MCTP2: variants seen among roughly 807,000 people sequenced by gnomAD.
The protein encoded by MCTP2 is multiple C2 and transmembrane domain-containing protein 2.
Under a neutral mutation model 111.6 loss-of-function variants are expected in MCTP2, and 132 were observed. That is an observed-to-expected ratio of 1.18 (90% CI 1.03 to 1.37). MCTP2 has a LOEUF of 1.37. Ranked by LOEUF, MCTP2 falls within the 40% of genes most tolerant of loss-of-function variation. The pLI is 0.00. For synonymous variants in MCTP2, 395 were observed against 387.7 expected, an observed-to-expected ratio of 1.02 and a Z score of -0.22; for missense variants, 1,183 against 1,067.9, an observed-to-expected ratio of 1.11 and a Z score of -1.50.
intron 1 of MCTP2, among the ~76,000 whole-genome samples, chr15:94,276,141 G>A (rs1451627991): frequency 1.3e-5 from 2 of 152,052 alleles, no homozygotes; most frequent in African/African-American, 2.4e-5. Context: ...ACCGTGCCTG[G>A]CCTTTATAAG....
At chr15:94,472,637 CT>C (rs2074023265) in intron 21 of MCTP2, among the ~76,000 whole-genome samples, 1 of 152,172 alleles carries the variant, frequency 6.6e-6, no homozygotes, top group Non-Finnish European at 1.5e-5. Context: ...ACCCTCTGAG[CT>C]TTGTACTTTA....
intron 18 of MCTP2, among the ~76,000 whole-genome samples, chr15:94,441,686 TTA>T (rs2083789787): frequency 6.6e-6 from 1 of 152,244 alleles, no homozygotes; most frequent in Non-Finnish European, 1.5e-5. Flanking sequence ...TATTTTCATT[TTA>T]TGTCTTATGA....
At position 94,235,379 on chromosome 15, in the gene MCTP2, G is replaced by T. The variant is rs115470796; in HGVS notation, c.-66+3715G>T. 4.8e-3 allele frequency among the ~76,000 whole-genome samples: 736 copies of T among 152,118 alleles called. 6 individuals carry two copies. Among genetic ancestry groups the T allele is most frequent in the African/African-American group, 0.017 (703 of 41,452 alleles). On this transcript the variant is annotated intron_variant, in intron 1 of 22. Coordinates refer to ENST00000357742, the MANE Select transcript of MCTP2 (RefSeq NM_001385001.1). ...AGAAATGCACGTTCTCAGGCACCCC[G>T]CATTAGGAGCTCTGCGTCTAGAGCA... is the stretch of plus-strand genomic sequence containing the variant.
At chr15:94,307,428 C>T (rs2075936406) in intron 2 of MCTP2, among the ~76,000 whole-genome samples, 13 of 152,036 alleles carry the variant, frequency 8.6e-5, no homozygotes, top group Admixed American at 8.5e-4. Context: ...CATAAAGGCC[C>T]CAGGGTAGCA....
chr15:94,305,779 A>G (rs1209511942), intron 2 of MCTP2, among the ~76,000 whole-genome samples: 2 of 150,890 alleles, frequency 1.3e-5, no homozygotes, highest in Non-Finnish European at 3.0e-5. Context: ...CTACGTGGGT[A>G]GGGCCCTAAA....
intron 1 of MCTP2, among the ~76,000 whole-genome samples, chr15:94,259,512 G>A (rs1032234920): frequency 2.0e-5 from 3 of 152,072 alleles, no homozygotes; most frequent in African/African-American, 7.2e-5. Flanking sequence ...ACTCTGACTT[G>A]GACTCTTGTG....
intron 20 of MCTP2, among the ~76,000 whole-genome samples, chr15:94,464,978 C>CA (rs2073142294): frequency 1.3e-5 from 2 of 152,048 alleles, no homozygotes; most frequent in Admixed American, 6.5e-5. Context: ...TCATTATATT[C>CA]AAGCCTTTTA....
intron 20 of MCTP2, among the ~76,000 whole-genome samples, chr15:94,464,239 A>AT (rs1491418827): frequency 1.1e-5 from 1 of 89,340 alleles, no homozygotes; most frequent in East Asian, 2.6e-4. Flanking sequence ...TTATATATAT[A>AT]ATATATATAT....
chr15:94,410,877 C>T (rs2082122054), intron 17 of MCTP2, among the ~76,000 whole-genome samples: 1 of 152,182 alleles, frequency 6.6e-6, no homozygotes, highest in Non-Finnish European at 1.5e-5. Flanking sequence ...TAGCTAAAAT[C>T]CAAAAACAAC....
In MCTP2 at chr15:94,458,217, A is replaced by G; in HGVS notation, c.2331A>G (p.Glu777=). ...CAACTGTTCAAAACGTCTTGGAGGAAATAGCTTCTTTTGGAGAAAGGATTA... is the reference window on the plus strand; with the variant it reads ...CAACTGTTCAAAACGTCTTGGAGGAGATAGCTTCTTTTGGAGAAAGGATTA... ...IVSTVQNVLE[E]IASFGERIKN... is the part of the protein sequence containing the mutation. Residue 777 remains glutamate, a synonymous_variant, in exon 20 of 23, where the codon GAA becomes GAG. Coordinates refer to ENST00000357742, the MANE Select transcript of MCTP2 (RefSeq NM_001385001.1). The G allele has an allele frequency of 6.2e-7, 1 of 1,609,978 alleles. No individual in the cohort carries two copies. Among genetic ancestry groups the G allele is most frequent in the South Asian group, 1.1e-5 (1 of 90,984 alleles).
At chr15:94,356,425 AAAG>A in intron 9 of MCTP2, 124 bp downstream of exon 9, 1 of 826,652 alleles carries the variant, frequency 1.2e-6, no homozygotes, top group East Asian at 3.1e-5. Flanking sequence ...TAACTATATT[AAAG>A]AGCAGAAAAC....
intron 20 of MCTP2, among the ~76,000 whole-genome samples, chr15:94,458,743 T>C (rs2084999392): frequency 6.6e-6 from 1 of 152,218 alleles, no homozygotes; most frequent in Non-Finnish European, 1.5e-5. Context: ...TAGGACAGGA[T>C]ACTACTCTGT....
intron 1 of MCTP2, among the ~76,000 whole-genome samples, chr15:94,280,073 A>G (rs186106627): frequency 5.7e-4 from 86 of 152,176 alleles, no homozygotes; most frequent in Admixed American, 1.3e-3. Flanking sequence ...TGTCTGTGCC[A>G]GGTATTGATA....
rs2074636276 is a variant in MCTP2, at chr15:94,479,850, A to C, written c.*816A>C. 1 of 152,184 alleles carries C rather than the reference A, an allele frequency of 6.6e-6. No individual in the cohort carries two copies. Among genetic ancestry groups the C allele is most frequent in the Non-Finnish European group, 1.5e-5 (1 of 68,030 alleles). The allele number at this position is 152,184 out of a possible 1,614,324, so 9.4% of individuals were successfully genotyped here. A position where few individuals can be genotyped will look rare whatever the true frequency, so the allele number is the denominator to read the frequency against. On this transcript the variant is annotated 3_prime_UTR_variant, in exon 23 of 23. Transcript: ENST00000357742. ...TCAGAAAGGCAGGTGGGGGTAGGGGAGAAATGAATGAATAAATTCTCTAGG... is the reference window on the plus strand; with the variant it reads ...TCAGAAAGGCAGGTGGGGGTAGGGGCGAAATGAATGAATAAATTCTCTAGG...
chr15:94,389,778 C>T (rs1596552158), intron 14 of MCTP2, among the ~76,000 whole-genome samples: 1 of 151,858 alleles, frequency 6.6e-6, no homozygotes, highest in East Asian at 1.9e-4. Flanking sequence ...TTTGAGAATT[C>T]ATTTTCTCTA....
Position 94,429,065 on chromosome 15 carries a change from C to A in MCTP2, c.2086-11111C>A, listed in dbSNP as rs74029074. On this transcript the variant is annotated intron_variant, in intron 17 of 22. Coordinates refer to ENST00000357742, the MANE Select transcript of MCTP2 (RefSeq NM_001385001.1). Reference sequence around the variant, plus strand: ...TACTTCTTTTCCTCATCCTCACTCTCGTAGAATGACCATGATTGACATAAG... The same window carrying A: ...TACTTCTTTTCCTCATCCTCACTCTAGTAGAATGACCATGATTGACATAAG... Among the ~76,000 whole-genome samples, 1,225 of 152,268 alleles carry A rather than the reference C, an allele frequency of 8.0e-3. 16 individuals are homozygous for A. Among genetic ancestry groups the A allele is most frequent in the African/African-American group, 0.028 (1,151 of 41,554 alleles).
intron 5 of MCTP2, 129 bp downstream of exon 5, chr15:94,339,561 G>A (rs1200348983): frequency 3.3e-6 from 2 of 609,652 alleles, no homozygotes; most frequent in Non-Finnish European, 5.0e-6. Flanking sequence ...TAATAATATA[G>A]AAAAAATTCC....
At chr15:94,404,470 T>G (rs2081793679) in intron 17 of MCTP2, among the ~76,000 whole-genome samples, 2 of 151,804 alleles carry the variant, frequency 1.3e-5, no homozygotes, top group African/African-American at 4.8e-5. Flanking sequence ...CCCGGCTAAT[T>G]TTTGTATTTT....
chr15:94,322,503 T>C (rs73462098), intron 4 of MCTP2, among the ~76,000 whole-genome samples: 6,997 of 152,212 alleles, frequency 0.046, 542 homozygotes, highest in African/African-American at 0.16. Context: ...CCATAGACAA[T>C]AAACAAATGA....
Sources: gnomAD v4.1 joint callset for allele counts (sites outside exome capture counted in the v4.1 genomes callset) on GRCh38, gnomAD v4.1.1 for gene constraint, MANE v1.5 for transcripts, NCBI Gene and HGNC (gene_info 2026-07-23, HGNC 2026-07-21) for gene names.